The following KRT71 variants were observed in gnomAD, a reference collection of about 807,000 sequenced individuals.
KRT71 encodes keratin 71, also known as keratin, type II cytoskeletal 71.
In KRT71, 42 loss-of-function variants were observed where a neutral mutation model predicts 46.2. That is an observed-to-expected ratio of 0.91 (90% CI 0.71 to 1.18). KRT71 has a LOEUF of 1.18. Among genes scored for constraint, KRT71 ranks in the 50% most tolerant of loss-of-function variants. The pLI is 0.00. For missense variants in KRT71, 708 were observed against 677.9 expected (o/e 1.04, Z -0.49); for synonymous variants, 292 against 277.8 (o/e 1.05, Z -0.51).
Position 52,546,983 on chromosome 12 carries a change from T to A in KRT71, c.1105-477A>T, listed in dbSNP as rs574744551. Among the ~76,000 whole-genome samples the A allele has an allele frequency of 1.0e-3, 152 of 152,336 alleles. 1 individual carries two copies. Among genetic ancestry groups the A allele is most frequent in the South Asian group, 3.9e-3 (19 of 4,818 alleles). ...CACTTAGTGTATGCCAGCACCAGGCTCAATACTGTACATACCATTGACATA... is the reference window on the plus strand; with the variant it reads ...CACTTAGTGTATGCCAGCACCAGGCACAATACTGTACATACCATTGACATA... On this transcript the variant is annotated intron_variant, in intron 6 of 8. Coordinates refer to ENST00000267119, the MANE Select transcript of KRT71 (RefSeq NM_033448.3).
intron 3 of KRT71, 27 bp downstream of exon 3, chr12:52,549,266 G>A (rs201420970): frequency 2.6e-5 from 42 of 1,597,000 alleles, no homozygotes; most frequent in East Asian, 6.7e-5. Context: ...GCCAGCCCCC[G>A]GGACTCAGGG....
At chr12:52,552,262 A>G (rs997341316) in intron 1 of KRT71, among the ~76,000 whole-genome samples, 2 of 152,244 alleles carry the variant, frequency 1.3e-5, no homozygotes, top group Non-Finnish European at 2.9e-5. Flanking sequence ...ACCAGTGGGC[A>G]GGGCAGCATG....
rs775563392 is a variant in KRT71 at position 52,550,075 on chromosome 12, A to C, written c.610T>G (p.Ser204Ala). ...ACGTCCCGCACATTCCTCAGCTCCG[A>C]GTCCAGCCTCACCCTGTCCCCAGAC... ...TLSGDRVRLD[S>A]ELRNVRDVVE... The change falls in exon 2 of 9, where the codon TCG becomes GCG. Residue 204 changes from serine to alanine, a missense_variant. Ser to Ala is a moderately conservative substitution (Grantham distance 99). Coordinates refer to ENST00000267119, the MANE Select transcript of KRT71 (RefSeq NM_033448.3). The C allele has an allele frequency of 1.2e-5, 20 of 1,614,034 alleles. No individual in the cohort carries two copies. The highest frequency in any genetic ancestry group is 1.2e-4 in the South Asian group (11 of 91,080).
intron 7 of KRT71, 62 bp downstream of exon 7, chr12:52,546,224 G>T: frequency 1.3e-6 from 2 of 1,574,170 alleles, no homozygotes; most frequent in Non-Finnish European, 1.7e-6. Flanking sequence ...GATGTGTTAG[G>T]CTTTCTCCTT....
At chr12:52,547,054 G>C (rs1219543365) in intron 6 of KRT71, among the ~76,000 whole-genome samples, 3 of 152,228 alleles carry the variant, frequency 2.0e-5, no homozygotes, top group Non-Finnish European at 4.4e-5. Flanking sequence ...GTGAGCAGAA[G>C]TAACCTGTCC....
intron 1 of KRT71, 106 bp from the exon 2 acceptor site, chr12:52,550,349 G>A (rs1939148289): frequency 1.5e-6 from 2 of 1,340,034 alleles, no homozygotes; most frequent in Non-Finnish European, 2.1e-6. Context: ...CCTCAATAGA[G>A]CTGAAAGAGG....
At chr12:52,549,387 CT>C in intron 2 of KRT71, 34 bp from the exon 3 acceptor site, 1 of 1,571,822 alleles carries the variant, frequency 6.4e-7, no homozygotes, top group Non-Finnish European at 8.8e-7. Context: ...TGGTTAATAT[CT>C]CACTGAAAGC....
Position 52,550,187 on chromosome 12 carries a change from C to T in KRT71, c.498G>A (p.Gln166=). 1 of 1,614,234 alleles carries T rather than the reference C, an allele frequency of 6.2e-7. No homozygotes were observed. Among genetic ancestry groups the T allele is most frequent in the Non-Finnish European group, 8.5e-7 (1 of 1,180,048 alleles). ...TCTTGCAGTTGTTCAGGTCCAGCTG[C>T]TGCAGCAGCTCCCACTTGGTCTCCA... is the stretch of plus-strand genomic sequence containing the variant. ...QVLETKWELL[Q]QLDLNNCKNN... The change falls in exon 2 of 9, where the codon CAG becomes CAA. Residue 166 remains glutamine, a synonymous_variant. Coordinates refer to ENST00000267119, the MANE Select transcript of KRT71 (RefSeq NM_033448.3).
intron 6 of KRT71, among the ~76,000 whole-genome samples, chr12:52,547,654 C>T (rs1245242690): frequency 6.6e-6 from 1 of 152,160 alleles, no homozygotes; most frequent in East Asian, 1.9e-4. Flanking sequence ...TAAGGAGGGG[C>T]TTCGAGGCTG....
intron 6 of KRT71, 88 bp from the exon 7 acceptor site, chr12:52,546,594 AGAGTGGCCCGC>A: frequency 7.4e-7 from 1 of 1,344,520 alleles, no homozygotes; most frequent in Non-Finnish European, 1.0e-6. Flanking sequence ...AGAGTGGGGC[AGAGTGGCCCGC>A]CTCCACCCTA....
intron 8 of KRT71, among the ~76,000 whole-genome samples, chr12:52,545,144 G>A (rs536973936): frequency 6.6e-6 from 1 of 152,266 alleles, no homozygotes; most frequent in South Asian, 2.1e-4. Context: ...GCCCTGCTAA[G>A]CAATGCAGTG....
intron 2 of KRT71, among the ~76,000 whole-genome samples, chr12:52,549,604 A>ACT (rs765239327): frequency 2.3e-4 from 35 of 152,062 alleles, no homozygotes; most frequent in Non-Finnish European, 4.4e-4. Context: ...GCCCTGTGGG[A>ACT]CTCTCAGAGG....
Position 52,548,245 on chromosome 12 carries a change from T to G in KRT71, c.885A>C (p.Leu295=), listed in dbSNP as rs1315865402. Residue 295 remains leucine (L), a synonymous_variant, in exon 5 of 9, where the codon CTA becomes CTC. Transcript: ENST00000267119. ...VILSMDNNRN[L]DLDSIIDEVR... is the part of the protein sequence containing the mutation. ...CTTCGTCAATGATGCTGTCCAGGTC[T>G]AGGTTCCGGTTGTTGTCCATGGACA... 6.2e-7 allele frequency: 1 copy of G among 1,614,202 alleles called. No homozygotes were observed.
At position 52,550,010 on chromosome 12, in the gene KRT71, G is replaced by A. The variant is rs1433217588; in HGVS notation, c.656+19C>T. On this transcript the variant is annotated intron_variant, in intron 2 of 8. Transcript: ENST00000267119. Reference sequence around the variant, plus strand: ...GACAAGGGCAGTTGTCCAGTTACAGGGGGACTCCTCCTGCTCACCTCTTCT... The same window carrying A: ...GACAAGGGCAGTTGTCCAGTTACAGAGGGACTCCTCCTGCTCACCTCTTCT... 1 of 1,613,686 alleles carries A rather than the reference G, an allele frequency of 6.2e-7. No individual in the cohort carries two copies. Among genetic ancestry groups the A allele is most frequent in the South Asian group, 1.1e-5 (1 of 91,062 alleles).
At chr12:52,548,037 G>T (rs1308186012) in intron 5 of KRT71, 55 bp from the exon 6 acceptor site, 1 of 1,608,360 alleles carries the variant, frequency 6.2e-7, no homozygotes, top group Non-Finnish European at 8.5e-7. Flanking sequence ...CATGTATCTT[G>T]GGATCAGAAC....
At chr12:52,552,145 G>A (rs754879758) in intron 1 of KRT71, among the ~76,000 whole-genome samples, 2 of 152,216 alleles carry the variant, frequency 1.3e-5, no homozygotes, top group Non-Finnish European at 2.9e-5. Flanking sequence ...CCCTTCCCCA[G>A]TGCCCTCTTC....
chr12:52,547,768 T>C, intron 6 of KRT71, 89 bp downstream of exon 6: 3 of 1,493,478 alleles, frequency 2.0e-6, no homozygotes. Context: ...CAGGCAGCGA[T>C]CTGGGAGGCC....
chr12:52,550,122 AG>A lies in KRT71; in HGVS notation c.562del (p.Leu188CysfsTer13). 6.2e-7 allele frequency: 1 copy of A among 1,614,094 alleles called. No homozygotes were observed. The highest frequency in any genetic ancestry group is 8.5e-7 in the Non-Finnish European group (1 of 1,180,032). On this transcript the variant is annotated frameshift_variant, in exon 2 of 9. Transcript: ENST00000267119. LOFTEE classifies it high-confidence loss of function. ...AGACAGCGTCTCCAGCTGCTTCCGC[AG>A]GTTGCTGATGTAGCCCTCGAGGATG... ...EPILEGYISN[L>X]RKQLETLSGD...
chr12:52,548,185 A>G lies in KRT71; in HGVS notation c.945T>C (p.Ser315=), dbSNP rs1279778776. Residue 315 remains serine, a synonymous_variant, in exon 5 of 9, where the codon AGT becomes AGC. Coordinates refer to ENST00000267119, the MANE Select transcript of KRT71 (RefSeq NM_033448.3). The part of the protein sequence containing the change: ...RTQYEEIALK[S]KAEAEALYQT... ...GGTACAGGGCCTCAGCCTCGGCCTT[A>G]CTCTTCAAGGCAATCTCCTCATACT... 1.2e-6 allele frequency: 2 copies of G among 1,613,730 alleles called. No homozygotes were observed. The highest frequency in any genetic ancestry group is 1.3e-5 in the African/African-American group (1 of 74,858).
Sources: allele counts gnomAD v4.1 joint callset (sites outside exome capture counted in the v4.1 genomes callset), GRCh38; gene constraint gnomAD v4.1.1; transcripts MANE v1.5; gene names NCBI Gene and HGNC (gene_info 2026-07-23, HGNC 2026-07-21).